The following FOXN1 variants were observed in gnomAD, a reference collection of about 807,000 sequenced individuals.
The protein encoded by FOXN1 is forkhead box protein N1.
In FOXN1, 15 loss-of-function variants were observed where a neutral mutation model predicts 49.0. The ratio of observed to expected loss-of-function variants is 0.31; its 90% CI spans 0.20 to 0.47. The LOEUF is 0.47. Among genes scored for constraint, FOXN1 ranks in the 20% least tolerant of loss-of-function variants. FOXN1 has a pLI of 1.00. For synonymous variants in FOXN1, 356 were observed against 369.0 expected, an observed-to-expected ratio of 0.96 and a Z score of 0.40; for missense variants, 800 against 842.8, an observed-to-expected ratio of 0.95 and a Z score of 0.63.
At chr17:28,528,804 T>C (rs1413030863) in intron 4 of FOXN1, among the ~76,000 whole-genome samples, 1 of 152,170 alleles carries the variant, frequency 6.6e-6, no homozygotes, top group African/African-American at 2.4e-5. Context: ...AGGGCTTCAC[T>C]TCATACTCTC....
intron 3 of FOXN1, among the ~76,000 whole-genome samples, chr17:28,525,851 T>A (rs888823922): frequency 3.3e-5 from 5 of 152,146 alleles, no homozygotes; most frequent in Non-Finnish European, 7.4e-5. Context: ...TTCTGGCCCT[T>A]TGACCACTTC....
intron 1 of FOXN1, among the ~76,000 whole-genome samples, chr17:28,521,212 G>T (rs2069633941): frequency 6.6e-6 from 1 of 152,248 alleles, no homozygotes; most frequent in African/African-American, 2.4e-5. Flanking sequence ...TGACAAAGCT[G>T]GGGCTGGAAT....
At chr17:28,536,869 C>T (rs1175518422) in intron 8 of FOXN1, among the ~76,000 whole-genome samples, 1 of 152,044 alleles carries the variant, frequency 6.6e-6, no homozygotes, top group Non-Finnish European at 1.5e-5. Context: ...CCAATGCCCA[C>T]CCCCCAAAAA....
chr17:28,524,888 C>A lies in FOXN1; in HGVS notation c.509C>A (p.Ala170Asp). ...CCAGTGGACGTGGCGGAGGCCGAGGCCTTCCTGCCTGGCTTCTCAGCAGAG... is the reference window on the plus strand; with the variant it reads ...CCAGTGGACGTGGCGGAGGCCGAGGACTTCCTGCCTGGCTTCTCAGCAGAG... ...EIPVDVAEAE[A>D]FLPGFSAEAW... Residue 170 changes from alanine to aspartate, a missense_variant, in exon 3 of 9, where the codon GCC becomes GAC. Ala to Asp is a moderately radical substitution (Grantham distance 126, BLOSUM62 -2). Coordinates refer to ENST00000579795, the MANE Select transcript of FOXN1 (RefSeq NM_001369369.1). The A allele has an allele frequency of 6.2e-7, 1 of 1,613,560 alleles. No individual in the cohort carries two copies. Among genetic ancestry groups the A allele is most frequent in the Non-Finnish European group, 8.5e-7 (1 of 1,180,012 alleles).
At chr17:28,517,647 G>C (rs374868892) in intron 1 of FOXN1, among the ~76,000 whole-genome samples, 177 of 14,826 alleles carry the variant, frequency 0.012, no homozygotes, top group African/African-American at 0.017. Flanking sequence ...ACAGGGTACA[G>C]ACCTCCACAG....
chr17:28,518,565 G>C (rs1439385581), intron 1 of FOXN1, among the ~76,000 whole-genome samples: 2 of 152,142 alleles, frequency 1.3e-5, no homozygotes, highest in Non-Finnish European at 2.9e-5. Context: ...AGCCTTTCTG[G>C]GAAATTTCTC....
In FOXN1 at chr17:28,522,628, C is replaced by T. The variant is rs138863539; in HGVS notation, c.-14-1328C>T. Among the ~76,000 whole-genome samples, 13 of 151,834 alleles carry T rather than the reference C, an allele frequency of 8.6e-5. No homozygotes were observed. In the East Asian group the frequency reaches 2.5e-3, roughly 29 times the overall value. On this transcript the variant is annotated intron_variant, in intron 1 of 8. Transcript: ENST00000579795. ...TGCCACCGCACTCCAGCCTAGGCAA[C>T]AGAGGGAGACTCCGTCTCCAAAAAA...
At chr17:28,516,068 C>T (rs970320063) in intron 1 of FOXN1, among the ~76,000 whole-genome samples, 18 of 150,536 alleles carry the variant, frequency 1.2e-4, no homozygotes, top group African/African-American at 4.4e-4. Flanking sequence ...TACACACCTC[C>T]ACAGGATCCA....
rs148117345 is a variant in FOXN1, at chr17:28,512,004, G to A, written c.-15+5561G>A. Among the ~76,000 whole-genome samples the A allele has an allele frequency of 2.6e-3, 391 of 152,240 alleles. 3 individuals carry two copies. The highest frequency in any genetic ancestry group is 8.9e-3 in the African/African-American group (369 of 41,528). On this transcript the variant is annotated intron_variant, in intron 1 of 8. Transcript: ENST00000579795. ...ACAGGAGGCTGGGGGTGGGACCATC[G>A]GGCTCAGCCCTGGGTGACTTCATTA...
chr17:28,531,291 A>T (rs1426904263), intron 6 of FOXN1, among the ~76,000 whole-genome samples: 1 of 152,126 alleles, frequency 6.6e-6, no homozygotes, highest in Non-Finnish European at 1.5e-5. Context: ...CCAAGGTGAG[A>T]TTAGGATCTA....
At chr17:28,531,614 T>C (rs2069917402) in intron 6 of FOXN1, among the ~76,000 whole-genome samples, 1 of 152,160 alleles carries the variant, frequency 6.6e-6, no homozygotes. Context: ...GCGTGCCACC[T>C]AGACCCTCCA....
intron 1 of FOXN1, among the ~76,000 whole-genome samples, chr17:28,519,367 C>A (rs1374869347): frequency 6.6e-6 from 1 of 151,918 alleles, no homozygotes; most frequent in Non-Finnish European, 1.5e-5. Flanking sequence ...TCAGAGTGCA[C>A]TGCAGATGTG....
chr17:28,536,591 A>C (rs2070069508), intron 8 of FOXN1, among the ~76,000 whole-genome samples: 1 of 152,180 alleles, frequency 6.6e-6, no homozygotes, highest in Non-Finnish European at 1.5e-5. Flanking sequence ...GTCAGCCATG[A>C]TGAGGGTCCA....
intron 1 of FOXN1, among the ~76,000 whole-genome samples, chr17:28,519,378 G>A (rs941894480): frequency 2.0e-5 from 3 of 152,034 alleles, no homozygotes; most frequent in Admixed American, 1.3e-4. Context: ...TGCAGATGTG[G>A]AACTGCGGCA....
chr17:28,537,289 G>A lies in FOXN1; in HGVS notation c.1800G>A (p.Pro600=), dbSNP rs370998044. ...GTGGGGCAGGTGACTTGGCAGCCCC[G>A]GGCAGTGGTGGCTCCGGGGCACTGG... ...TGSGAGDLAA[P]GSGGSGALGD... The change falls in exon 9 of 9, where the codon CCG becomes CCA. Residue 600 remains proline (P), a synonymous_variant. Transcript: ENST00000579795. 1.4e-5 allele frequency: 22 copies of A among 1,613,774 alleles called. No homozygotes were observed. Among genetic ancestry groups the A allele is most frequent in the Middle Eastern group, 1.6e-4 (1 of 6,084 alleles).
At chr17:28,518,580 G>A (rs1350774695) in intron 1 of FOXN1, among the ~76,000 whole-genome samples, 4 of 152,120 alleles carry the variant, frequency 2.6e-5, no homozygotes, top group Admixed American at 6.5e-5. Flanking sequence ...TTTCTCACTC[G>A]TCATCCCCTC....
intron 4 of FOXN1, among the ~76,000 whole-genome samples, chr17:28,528,815 C>T (rs1349406122): frequency 6.6e-6 from 1 of 152,188 alleles, no homozygotes; most frequent in Non-Finnish European, 1.5e-5. Context: ...TCATACTCTC[C>T]CTGCAGGGTC....
At chr17:28,509,240 T>C (rs1181599298) in intron 1 of FOXN1, among the ~76,000 whole-genome samples, 1 of 148,766 alleles carries the variant, frequency 6.7e-6, no homozygotes, top group Non-Finnish European at 1.5e-5. Flanking sequence ...TCCCTGACCC[T>C]TCCACCCGTC....
chr17:28,531,572 A>G (rs755813463), intron 6 of FOXN1, among the ~76,000 whole-genome samples: 5 of 152,128 alleles, frequency 3.3e-5, no homozygotes, highest in Non-Finnish European at 5.9e-5. Flanking sequence ...CAGTTACTGG[A>G]TCAAGCTATT....
Sources: gnomAD v4.1 joint callset for allele counts (sites outside exome capture counted in the v4.1 genomes callset) on GRCh38, gnomAD v4.1.1 for gene constraint, MANE v1.5 for transcripts, NCBI Gene and HGNC (gene_info 2026-07-23, HGNC 2026-07-21) for gene names.